Variants in SLC9B1 observed in about 807,000 individuals in gnomAD.
The protein encoded by SLC9B1 is sodium/hydrogen exchanger 9B1.
A neutral mutation model predicts 51.7 loss-of-function variants in SLC9B1; 32 were observed. The ratio of observed to expected loss-of-function variants is 0.62; its 90% CI spans 0.47 to 0.83. The LOEUF is 0.83. Among genes scored for constraint, SLC9B1 ranks in the 40% least tolerant of loss-of-function variants. The pLI is 0.00. For synonymous variants in SLC9B1, 145 were observed against 212.7 expected (o/e 0.68, Z 2.77); for missense variants, 406 against 613.2 (o/e 0.66, Z 3.57).
chr4:102,975,756 A>G (rs1471604080), intron 3 of SLC9B1, among the ~76,000 whole-genome samples: 1 of 151,186 alleles, frequency 6.6e-6, no homozygotes, highest in African/African-American at 2.4e-5. Flanking sequence ...TTTAGTAGAG[A>G]TGGGGTTTCA....
At chr4:102,948,412 C>G (rs1232691780) in intron 4 of SLC9B1, among the ~76,000 whole-genome samples, 3 of 150,458 alleles carry the variant, frequency 2.0e-5, no homozygotes, top group Admixed American at 6.6e-5. Flanking sequence ...AAATTCTGAA[C>G]TAGCAAAATG....
chr4:102,956,549 A>G (rs1299782928), intron 3 of SLC9B1, among the ~76,000 whole-genome samples: 2 of 152,224 alleles, frequency 1.3e-5, no homozygotes, highest in Non-Finnish European at 2.9e-5. Flanking sequence ...TAGCTTTAAC[A>G]TAATGTCTCT....
intron 3 of SLC9B1, among the ~76,000 whole-genome samples, chr4:102,989,431 G>T (rs1739829356): frequency 6.6e-6 from 1 of 151,596 alleles, no homozygotes; most frequent in African/African-American, 2.4e-5. Context: ...TAAAACTTAG[G>T]GCCCAATTTT....
At chr4:103,012,230 G>T (rs540310260) in intron 1 of SLC9B1, among the ~76,000 whole-genome samples, 1 of 152,290 alleles carries the variant, frequency 6.6e-6, no homozygotes, top group African/African-American at 2.4e-5. Context: ...ATTGCTCACA[G>T]GTTCTGCCTT....
chr4:102,936,755 A>C (rs1736743187), intron 6 of SLC9B1, among the ~76,000 whole-genome samples: 1 of 152,228 alleles, frequency 6.6e-6, no homozygotes, highest in African/African-American at 2.4e-5. Context: ...GATTATGTAA[A>C]GAGACCAAAC....
intron 1 of SLC9B1, among the ~76,000 whole-genome samples, chr4:103,010,347 C>A (rs1464296121): frequency 1.3e-5 from 2 of 152,102 alleles, no homozygotes; most frequent in Non-Finnish European, 2.9e-5. Context: ...AAATGGGTGG[C>A]AGAACTTGTC....
At chr4:102,889,630 G>T (rs1734135119) in intron 11 of SLC9B1, 1 of 133,290 alleles carries the variant, frequency 7.5e-6, no homozygotes, top group Non-Finnish European at 1.7e-5. Flanking sequence ...TCAGAATAAA[G>T]ACTTTTTCCC....
intron 3 of SLC9B1, among the ~76,000 whole-genome samples, chr4:102,973,191 C>A (rs1328117433): frequency 6.6e-6 from 1 of 151,988 alleles, no homozygotes; most frequent in African/African-American, 2.4e-5. Flanking sequence ...ACATGAAAAT[C>A]CAGGTATCAC....
chr4:102,975,074 C>T (rs1738981069), intron 3 of SLC9B1, among the ~76,000 whole-genome samples: 1 of 152,212 alleles, frequency 6.6e-6, no homozygotes, highest in South Asian at 2.1e-4. Context: ...GATCATATAG[C>T]TCACAGCATC....
intron 3 of SLC9B1, among the ~76,000 whole-genome samples, chr4:102,984,880 G>T (rs1441020624): frequency 1.3e-5 from 2 of 152,018 alleles, no homozygotes; most frequent in South Asian, 2.1e-4. Context: ...AAGAAAAAGG[G>T]TCTGGCTATG....
intron 2 of SLC9B1, among the ~76,000 whole-genome samples, chr4:102,991,205 A>G (rs1240631962): frequency 3.3e-5 from 5 of 152,084 alleles, no homozygotes; most frequent in Admixed American, 6.5e-5. Flanking sequence ...AATTCTAATT[A>G]TGAGCAATTA....
At chr4:102,889,404 CTCT>C (rs1218471297) in intron 11 of SLC9B1, 1 of 152,174 alleles carries the variant, frequency 6.6e-6, no homozygotes, top group African/African-American at 2.4e-5. Context: ...TCATGAAATG[CTCT>C]TCTTTTTGTA....
chr4:102,908,475 T>G (rs572778290), intron 9 of SLC9B1, among the ~76,000 whole-genome samples: 1 of 152,386 alleles, frequency 6.6e-6, no homozygotes, highest in East Asian at 1.9e-4. Context: ...TGTGTGTGTA[T>G]ATATATAAAT....
chr4:102,917,643 G>C (rs1560925790), intron 7 of SLC9B1, among the ~76,000 whole-genome samples: 1 of 151,646 alleles, frequency 6.6e-6, no homozygotes, highest in Admixed American at 6.6e-5. Context: ...ATATGAAGAG[G>C]ACAGTTTATA....
intron 3 of SLC9B1, among the ~76,000 whole-genome samples, chr4:102,959,235 T>TAC (rs34697499): frequency 2.8e-3 from 424 of 149,448 alleles, no homozygotes; most frequent in African/African-American, 6.0e-3. Flanking sequence ...CATATATATA[T>TAC]ACACACACAC....
At chr4:103,013,480 T>C (rs1215763727) in intron 1 of SLC9B1, among the ~76,000 whole-genome samples, 2 of 152,254 alleles carry the variant, frequency 1.3e-5, no homozygotes, top group Non-Finnish European at 1.5e-5. Flanking sequence ...CTCTATGCCC[T>C]ATTCTCTTCT....
At chr4:102,979,153 T>C (rs904448472) in intron 3 of SLC9B1, among the ~76,000 whole-genome samples, 1 of 152,198 alleles carries the variant, frequency 6.6e-6, no homozygotes, top group African/African-American at 2.4e-5. Context: ...CTCAAGTTCA[T>C]TGATGTTAGA....
chr4:102,944,931 A>C (rs1484900552), intron 6 of SLC9B1, among the ~76,000 whole-genome samples: 1 of 152,168 alleles, frequency 6.6e-6, no homozygotes, highest in Non-Finnish European at 1.5e-5. Context: ...ACATACAGAT[A>C]TGTTATAATA....
chr4:102,890,549 TG>T (rs1441301025), intron 11 of SLC9B1: 1 of 152,024 alleles, frequency 6.6e-6, no homozygotes, highest in Non-Finnish European at 1.5e-5. Context: ...CAGAAATGAG[TG>T]CCTCATTGGC....
Sources: gnomAD v4.1 joint callset for allele counts (sites outside exome capture counted in the v4.1 genomes callset) on GRCh38, gnomAD v4.1.1 for gene constraint, MANE v1.5 for transcripts, NCBI Gene and HGNC (gene_info 2026-07-23, HGNC 2026-07-21) for gene names.